Variants in ADGRV1 observed in about 807,000 individuals in gnomAD.
ADGRV1 encodes the protein adhesion G protein-coupled receptor V1.
ADGRV1 carries 359 observed loss-of-function variants against 596.2 expected under a neutral mutation model. That is an observed-to-expected ratio of 0.60 (90% CI 0.55 to 0.66). The LOEUF is 0.66. Ranked by LOEUF, ADGRV1 falls within the 30% of genes least tolerant of loss-of-function variation. The probability of loss-of-function intolerance (pLI) is 0.00; values close to 1 mark genes in which losing one functional copy is unlikely to be tolerated. For missense variants in ADGRV1, 7,274 were observed against 7,575.6 expected (o/e 0.96, Z 1.48); for synonymous variants, 2,681 against 2,679.2 (o/e 1.00, Z -0.02).
At chr5:91,021,446 G>A in intron 85 of ADGRV1, among the ~76,000 whole-genome samples, 1 of 152,216 alleles carries the variant, frequency 6.6e-6, no homozygotes, top group African/African-American at 2.4e-5. Flanking sequence ...AGATCAAATG[G>A]TTTAATGAGC....
intron 85 of ADGRV1, among the ~76,000 whole-genome samples, chr5:91,067,117 A>G (rs1188221636): frequency 2.0e-5 from 3 of 151,226 alleles, no homozygotes; most frequent in Non-Finnish European, 4.4e-5. Flanking sequence ...AAGTCATCCT[A>G]TAAGTAGGGA....
chr5:90,797,908 C>A (rs1164834296), intron 70 of ADGRV1, among the ~76,000 whole-genome samples: 1 of 152,164 alleles, frequency 6.6e-6, no homozygotes, highest in Non-Finnish European at 1.5e-5. Flanking sequence ...GTACCAGAAT[C>A]TCTGGGACAC....
At position 90,783,198 on chromosome 5, in the gene ADGRV1, T is replaced by G; in HGVS notation, c.13306T>G (p.Phe4436Val). The change falls in exon 66 of 90, where the codon TTC (phenylalanine) becomes GTC (valine). Residue 4436 changes from phenylalanine to valine, a missense_variant. Phe to Val is a conservative substitution (Grantham distance 50). This residue lies in a region of ADGRV1 where 3,643 missense variants were observed against 3,809.2 expected (regional missense o/e 0.96). Transcript: ENST00000405460. ...AACTTATGGCTATGTGACAGCTGATTTCATCTCTCAGAGCTCCTCTGCCAG... is the reference window on the plus strand; with the variant it reads ...AACTTATGGCTATGTGACAGCTGATGTCATCTCTCAGAGCTCCTCTGCCAG... ...HGTYGYVTAD[F>V]ISQSSSASPG... 6.2e-7 allele frequency: 1 copy of G among 1,613,670 alleles called. No homozygotes were observed. Among genetic ancestry groups the G allele is most frequent in the Admixed American group, 1.7e-5 (1 of 60,004 alleles).
In ADGRV1 at chr5:91,062,953, C is replaced by CTT. The variant is rs70973726; in HGVS notation, c.18153-9472_18153-9471dup. On this transcript the variant is annotated intron_variant, in intron 85 of 89. Coordinates refer to ENST00000405460, the MANE Select transcript of ADGRV1 (RefSeq NM_032119.4). Reference sequence around the variant, plus strand: ...GTGTGCTAGAAGAGTGTTTCTCAAACTTTTTTTTTTTTTTTTTTTTTTTGA... The same window carrying CTT: ...GTGTGCTAGAAGAGTGTTTCTCAAACTTTTTTTTTTTTTTTTTTTTTTTTTGA... 7.4e-3 allele frequency among the ~76,000 whole-genome samples: 596 copies of CTT among 80,774 alleles called. 6 individuals carry two copies. Among genetic ancestry groups the CTT allele is most frequent in the South Asian group, 0.021 (40 of 1,922 alleles). The allele number at this position is 80,774 out of a possible 152,430, so 53.0% of individuals were successfully genotyped here. A position where few individuals can be genotyped will look rare whatever the true frequency, so the allele number is the denominator to read the frequency against.
At chr5:90,758,297 C>T (rs1156829887) in intron 57 of ADGRV1, among the ~76,000 whole-genome samples, 1 of 152,050 alleles carries the variant, frequency 6.6e-6, no homozygotes, top group Admixed American at 6.5e-5. Context: ...TGCACCACTG[C>T]ACTCCAGCCT....
At chr5:90,735,863 GA>G (rs1370096971) in intron 50 of ADGRV1, among the ~76,000 whole-genome samples, 1 of 152,066 alleles carries the variant, frequency 6.6e-6, no homozygotes, top group Non-Finnish European at 1.5e-5. Flanking sequence ...TCAGTTCTAA[GA>G]GTTTGTTTTA....
At chr5:90,720,024 C>G (rs375640082) in intron 43 of ADGRV1, 24 bp from the exon 44 acceptor site, 61 of 1,596,644 alleles carry the variant, frequency 3.8e-5, no homozygotes, top group Non-Finnish European at 4.7e-5. Context: ...TTCTAGTAAC[C>G]TTATCTTTTG....
chr5:90,873,218 G>T (rs1218946329), intron 83 of ADGRV1, among the ~76,000 whole-genome samples: 2 of 152,152 alleles, frequency 1.3e-5, no homozygotes, highest in South Asian at 2.1e-4. Flanking sequence ...GGCTAGTTGT[G>T]TGCAGTCTAG....
intron 83 of ADGRV1, among the ~76,000 whole-genome samples, chr5:90,938,927 A>T (rs1452270596): frequency 6.6e-6 from 1 of 152,218 alleles, no homozygotes; most frequent in Non-Finnish European, 1.5e-5. Flanking sequence ...GAAACCTGCC[A>T]CAAGAAATCC....
chr5:90,781,704 A>T (rs1337808202), intron 65 of ADGRV1, 126 bp downstream of exon 65: 1 of 782,896 alleles, frequency 1.3e-6, no homozygotes, highest in East Asian at 2.8e-5. Context: ...ACACATATAC[A>T]CTTTTATATT....
intron 56 of ADGRV1, 169 bp from the exon 57 acceptor site, chr5:90,756,810 C>A (rs1755877853): frequency 2.7e-6 from 2 of 737,836 alleles, no homozygotes; most frequent in Non-Finnish European, 4.3e-6. Context: ...AGTTTACTTT[C>A]ATTAAATATA....
chr5:90,978,610 C>T (rs1779824415), intron 84 of ADGRV1, among the ~76,000 whole-genome samples: 1 of 152,046 alleles, frequency 6.6e-6, no homozygotes, highest in East Asian at 1.9e-4. Context: ...GAAATAATAA[C>T]TGGTTGAGGT....
intron 85 of ADGRV1, among the ~76,000 whole-genome samples, chr5:91,010,782 T>G (rs1196145334): frequency 6.7e-6 from 1 of 148,622 alleles, no homozygotes; most frequent in Non-Finnish European, 1.5e-5. Context: ...TATTCTGAAA[T>G]TTTTGAAATT....
chr5:90,603,901 C>T (rs373838486), intron 1 of ADGRV1, among the ~76,000 whole-genome samples: 34 of 131,180 alleles, frequency 2.6e-4, no homozygotes, highest in African/African-American at 7.7e-4. Context: ...CCTGCACACA[C>T]GTGTGTGCAG....
At chr5:90,760,220 G>A (rs1756362528) in intron 58 of ADGRV1, among the ~76,000 whole-genome samples, 1 of 148,756 alleles carries the variant, frequency 6.7e-6, no homozygotes, top group South Asian at 2.1e-4. Flanking sequence ...AGGTTGCAGT[G>A]AGCCGAGATC....
intron 83 of ADGRV1, among the ~76,000 whole-genome samples, chr5:90,926,204 A>G (rs1774425188): frequency 6.6e-6 from 1 of 152,044 alleles, no homozygotes; most frequent in Non-Finnish European, 1.5e-5. Context: ...TTCAGAAGGA[A>G]TGGTACCACT....
chr5:90,570,036 C>G (rs552072424), intron 1 of ADGRV1, among the ~76,000 whole-genome samples: 13 of 152,012 alleles, frequency 8.6e-5, no homozygotes, highest in African/African-American at 3.1e-4. Context: ...CCTTTTCTGG[C>G]ACTTTACATT....
At chr5:91,005,975 TA>T (rs1244646757) in intron 85 of ADGRV1, among the ~76,000 whole-genome samples, 1 of 152,166 alleles carries the variant, frequency 6.6e-6, no homozygotes, top group African/African-American at 2.4e-5. Flanking sequence ...GCAATGTCCT[TA>T]ATTCATTGGC....
rs768444468 is a variant in ADGRV1, at chr5:90,642,706, G to A, written c.2311G>A (p.Asp771Asn). Residue 771 changes from aspartate (D) to asparagine (N), a missense_variant, in exon 12 of 90, where the codon GAC becomes AAC. Physicochemically the swap from Asp to Asn is conservative, Grantham distance 23 (BLOSUM62 1). Coordinates refer to ENST00000405460, the MANE Select transcript of ADGRV1 (RefSeq NM_032119.4). ...TGACCTAATTATTTTGGAAAATGAT[G>A]ACCCTGGGGGAGTTTTTGAATTTTC... The part of the protein sequence containing the change: ...SRDLIILEND[D>N]PGGVFEFSPA... 6.2e-7 allele frequency: 1 copy of A among 1,613,532 alleles called. No homozygotes were observed. Among genetic ancestry groups the A allele is most frequent in the Non-Finnish European group, 8.5e-7 (1 of 1,179,576 alleles).
Sources: gnomAD v4.1 joint callset for allele counts (sites outside exome capture counted in the v4.1 genomes callset) on GRCh38, gnomAD v4.1.1 for gene constraint, gnomAD v4.1.1 regional missense constraint, MANE v1.5 for transcripts, NCBI Gene and HGNC (gene_info 2026-07-23, HGNC 2026-07-21) for gene names.